MARCO: variants seen among roughly 807,000 people sequenced by gnomAD.
The protein encoded by MARCO is macrophage receptor MARCO.
In MARCO, 72 loss-of-function variants were observed where a neutral mutation model predicts 70.0. The ratio of observed to expected loss-of-function variants is 1.03; its 90% confidence interval spans 0.85 to 1.25. The LOEUF (loss-of-function observed/expected upper bound fraction) is 1.25. MARCO is among the 50% of genes most tolerant of loss of function. The pLI is 0.00. For missense variants in MARCO, 696 were observed against 659.3 expected (o/e 1.06, Z -0.61); for synonymous variants, 273 against 243.1 (o/e 1.12, Z -1.14).
chr2:118,992,940 A>G (rs1358741246), intron 15 of MARCO, 184 bp from the exon 16 acceptor site: 3 of 598,192 alleles, frequency 5.0e-6, no homozygotes, highest in Non-Finnish European at 8.8e-6. Context: ...CCCCAGGTGC[A>G]TGGAGGCTGC....
chr2:118,992,882 G>T (rs1464766583), intron 15 of MARCO: 4 of 487,218 alleles, frequency 8.2e-6, no homozygotes, highest in Non-Finnish European at 1.4e-5. Flanking sequence ...TATGCGATTT[G>T]CAAACCAGCC....
chr2:118,954,506 A>G (rs2422391), intron 1 of MARCO, among the ~76,000 whole-genome samples: 55,320 of 152,004 alleles, frequency 0.36, 12,179 homozygotes, highest in African/African-American at 0.6. Context: ...AGAAGACAAA[A>G]GACATGTGAT....
Position 118,986,136 on chromosome 2 carries a change from T to C in MARCO, c.1063+3726T>C, listed in dbSNP as rs1680478368. On this transcript the variant is annotated intron_variant, in intron 12 of 16. Coordinates refer to ENST00000327097, the MANE Select transcript of MARCO (RefSeq NM_006770.4). ...AAATTGTCATTTATAAAACTCTTCC[T>C]CATTTTCCTCTAAGTTTCTGAGAGA... Among the ~76,000 whole-genome samples, 3 of 152,214 alleles carry C rather than the reference T, an allele frequency of 2.0e-5. No homozygotes were observed. The South Asian group carries it at 6.2e-4, about 32-fold the overall frequency.
intron 1 of MARCO, among the ~76,000 whole-genome samples, chr2:118,945,977 C>T (rs913840461): frequency 3.9e-5 from 6 of 152,176 alleles, no homozygotes; most frequent in Admixed American, 3.3e-4. Flanking sequence ...TCTTGCAACA[C>T]GACTGCTATT....
rs529032816 is a variant in MARCO at position 118,957,320 on chromosome 2, T to C, written c.98-11840T>C. Among the ~76,000 whole-genome samples the C allele has an allele frequency of 7.9e-4, 120 of 151,908 alleles. 1 individual carries two copies. Among genetic ancestry groups the C allele is most frequent in the Non-Finnish European group, 1.4e-3 (94 of 67,836 alleles). On this transcript the variant is annotated intron_variant, in intron 1 of 16. Coordinates refer to ENST00000327097, the MANE Select transcript of MARCO (RefSeq NM_006770.4). ...ACAGGATATATTACAACTGACACCA[T>C]TGAAATACAAAAGATCATTCAAGGC... is the stretch of plus-strand genomic sequence containing the variant.
Position 118,942,305 on chromosome 2 carries a change from G to A in MARCO, c.5G>A (p.Arg2Lys). Reference sequence around the variant, plus strand: ...GGCCATCTATAAAGCTTGGCAATGAGAAATAAGAAAATTCTCAAGGAGGAC... The same window carrying A: ...GGCCATCTATAAAGCTTGGCAATGAAAAATAAGAAAATTCTCAAGGAGGAC... M[R>K]NKKILKEDEL... is the part of the protein sequence containing the mutation. Residue 2 changes from arginine (R) to lysine (K), a missense_variant, in exon 1 of 17, where the codon AGA (arginine) becomes AAA (lysine). By Grantham distance (26) the Arg-to-Lys change is conservative. Transcript: ENST00000327097. 3.1e-6 allele frequency: 5 copies of A among 1,612,510 alleles called. No homozygotes were observed. The highest frequency in any genetic ancestry group is 3.4e-6 in the Non-Finnish European group (4 of 1,178,708).
chr2:118,968,067 C>A (rs1467020108), intron 1 of MARCO, among the ~76,000 whole-genome samples: 1 of 152,160 alleles, frequency 6.6e-6, no homozygotes, highest in East Asian at 1.9e-4. Flanking sequence ...ACCATGCCTA[C>A]CTTGCAGGGT....
chr2:118,970,997 G>T (rs1426535381), intron 3 of MARCO, among the ~76,000 whole-genome samples: 1 of 152,214 alleles, frequency 6.6e-6, no homozygotes, highest in Non-Finnish European at 1.5e-5. Flanking sequence ...TGACCAAGGG[G>T]TACGCCCAGC....
chr2:118,954,887 A>T (rs1425893882), intron 1 of MARCO, among the ~76,000 whole-genome samples: 2 of 152,100 alleles, frequency 1.3e-5, no homozygotes, highest in Non-Finnish European at 2.9e-5. Context: ...ACATCAAGGG[A>T]ACACCCCGTG....
At chr2:118,988,925 G>T (rs750914963) in intron 12 of MARCO, among the ~76,000 whole-genome samples, 1 of 152,270 alleles carries the variant, frequency 6.6e-6, no homozygotes, top group Middle Eastern at 3.4e-3. Context: ...CGGGCTCAGC[G>T]CTTGATACAC....
chr2:118,973,706 G>A (rs60622892), intron 4 of MARCO, among the ~76,000 whole-genome samples: 5 of 152,060 alleles, frequency 3.3e-5, no homozygotes, highest in African/African-American at 9.7e-5. Context: ...GCAGCCTGCC[G>A]GTGGAACTGC....
Position 118,994,513 on chromosome 2 carries a change from G to A in MARCO, c.1556G>A (p.Ser519Asn). The change falls in exon 17 of 17, where the codon AGC (serine) becomes AAC (asparagine). Residue 519 changes from serine to asparagine, a missense_variant. This residue lies in a region of MARCO where 58 missense variants were observed against 62.1 expected (regional missense o/e 0.93). Coordinates refer to ENST00000327097, the MANE Select transcript of MARCO (RefSeq NM_006770.4). ...GAGGAGGACGCAGGCGTGGAGTGCA[G>A]CGTCTGACCCGGAAACCCTTTCACT... ...SHEEDAGVEC[S>N]V The A allele has an allele frequency of 1.3e-6, 2 of 1,591,290 alleles. No homozygotes were observed. Among genetic ancestry groups the A allele is most frequent in the Non-Finnish European group, 1.7e-6 (2 of 1,168,390 alleles).
At chr2:118,964,385 G>T (rs547610132) in intron 1 of MARCO, among the ~76,000 whole-genome samples, 2 of 152,074 alleles carry the variant, frequency 1.3e-5, no homozygotes, top group African/African-American at 4.8e-5. Flanking sequence ...ACCTCCTCTA[G>T]TCATTCTTTA....
chr2:118,969,672 C>T (rs1431032031), intron 2 of MARCO, among the ~76,000 whole-genome samples: 1 of 152,168 alleles, frequency 6.6e-6, no homozygotes, highest in Non-Finnish European at 1.5e-5. Context: ...GTCATGAAGT[C>T]GTTCCATGAG....
intron 13 of MARCO, among the ~76,000 whole-genome samples, 167 bp from the exon 14 acceptor site, chr2:118,991,603 GAGAGATC>G (rs1680622429): frequency 6.6e-6 from 1 of 152,212 alleles, no homozygotes; most frequent in African/African-American, 2.4e-5. Context: ...CCTAAGAGTT[GAGAGATC>G]AGTGCAGCCC....
At chr2:118,968,739 C>T (rs540825347) in intron 1 of MARCO, among the ~76,000 whole-genome samples, 5 of 152,172 alleles carry the variant, frequency 3.3e-5, no homozygotes, top group Admixed American at 1.3e-4. Flanking sequence ...TATTTAATTT[C>T]TCCAAGTCTC....
chr2:118,943,152 T>C (rs1359189998), intron 1 of MARCO, among the ~76,000 whole-genome samples: 1 of 152,198 alleles, frequency 6.6e-6, no homozygotes, highest in Non-Finnish European at 1.5e-5. Flanking sequence ...AAGTTGTCTA[T>C]GCAGGAAAAT....
chr2:118,975,692 ACT>A (rs1464089888), intron 6 of MARCO, among the ~76,000 whole-genome samples: 3 of 151,756 alleles, frequency 2.0e-5, no homozygotes, highest in African/African-American at 7.3e-5. Context: ...GCATTCTCAC[ACT>A]CACTCACGCA....
At chr2:118,946,846 T>C (rs932277831) in intron 1 of MARCO, among the ~76,000 whole-genome samples, 7 of 152,374 alleles carry the variant, frequency 4.6e-5, no homozygotes, top group African/African-American at 1.7e-4. Flanking sequence ...TATTTTTAAA[T>C]GTAGCCATTC....
Sources: allele counts gnomAD v4.1 joint callset (sites outside exome capture counted in the v4.1 genomes callset), GRCh38; gene constraint gnomAD v4.1.1; regional missense constraint gnomAD v4.1.1; transcripts MANE v1.5; gene names NCBI Gene and HGNC (gene_info 2026-07-23, HGNC 2026-07-21).